Variants in GAB1 observed in about 807,000 individuals in gnomAD.
The protein encoded by GAB1 is GRB2 associated binding protein 1.
Under a neutral mutation model 66.5 loss-of-function variants are expected in GAB1, and 19 were observed. The observed-to-expected ratio is 0.29, with a 90% confidence interval of 0.20 to 0.42. GAB1 has a LOEUF of 0.42. Among genes scored for constraint, GAB1 ranks in the 10% least tolerant of loss-of-function variants. The pLI is 1.00. For synonymous variants in GAB1, 294 were observed against 301.4 expected (o/e 0.98, Z 0.25); for missense variants, 732 against 858.5 (o/e 0.85, Z 1.84).
At chr4:143,352,352 A>G (rs1320711045) in intron 1 of GAB1, among the ~76,000 whole-genome samples, 2 of 152,198 alleles carry the variant, frequency 1.3e-5, no homozygotes, top group Non-Finnish European at 2.9e-5. Context: ...CTGATGTCTC[A>G]TATTCAGCCC....
At chr4:143,373,881 ATATATT>A (rs1250307111) in intron 1 of GAB1, among the ~76,000 whole-genome samples, 8 of 135,288 alleles carry the variant, frequency 5.9e-5, no homozygotes, top group African/African-American at 9.0e-5. Context: ...ATATATATAT[ATATATT>A]TTTACCTTTC....
rs1736178247 is a variant in GAB1, at chr4:143,473,916, G to A, written c.*4727G>A. On this transcript the variant is annotated 3_prime_UTR_variant, in exon 10 of 10. Transcript: ENST00000262994. ...AGATTATTTTCTCATATGTCTGTCT[G>A]TCACCTTGTAAACCATGAGACTCCT... is the stretch of plus-strand genomic sequence containing the variant. 6.6e-6 allele frequency: 1 copy of A among 152,148 alleles called. No homozygotes were observed. The highest frequency in any genetic ancestry group is 1.5e-5 in the Non-Finnish European group (1 of 68,026). 9.4% of individuals were successfully genotyped at this position (152,148 alleles called of 1,614,324 possible). A position where few individuals can be genotyped will look rare whatever the true frequency, so the allele number is the denominator to read the frequency against.
chr4:143,359,470 C>T (rs1229187947), intron 1 of GAB1, among the ~76,000 whole-genome samples: 1 of 152,186 alleles, frequency 6.6e-6, no homozygotes, highest in Non-Finnish European at 1.5e-5. Flanking sequence ...AATGAGAGAA[C>T]ATTTCCATGT....
chr4:143,394,890 G>A (rs946211894), intron 1 of GAB1: 2 of 152,086 alleles, frequency 1.3e-5, no homozygotes, highest in Non-Finnish European at 2.9e-5. Flanking sequence ...GATGCCAGGG[G>A]ACTCAAGTAA....
Position 143,394,649 on chromosome 4 carries a change from G to T in GAB1, c.73-20828G>T, listed in dbSNP as rs533871001. On this transcript the variant is annotated intron_variant, in intron 1 of 9. Coordinates refer to ENST00000262994, the MANE Select transcript of GAB1 (RefSeq NM_002039.4). ...ATCATCATCATCAAACATTTTTTGG[G>T]TTCCTAAATATGTTTCTTCATGTTT... 8.5e-5 allele frequency among the ~76,000 whole-genome samples: 13 copies of T among 152,074 alleles called. No homozygotes were observed. In the South Asian group the frequency reaches 2.3e-3, roughly 27 times the overall value.
intron 2 of GAB1, among the ~76,000 whole-genome samples, chr4:143,426,780 A>G (rs1407327707): frequency 6.6e-6 from 1 of 152,224 alleles, no homozygotes; most frequent in Non-Finnish European, 1.5e-5. Flanking sequence ...AGAAGGTTGT[A>G]AAATGAGCTA....
intron 1 of GAB1, among the ~76,000 whole-genome samples, chr4:143,386,901 A>G (rs1730943731): frequency 1.3e-5 from 2 of 152,300 alleles, no homozygotes; most frequent in East Asian, 1.9e-4. Context: ...TGCAAAACCT[A>G]AAGTATTTAT....
At position 143,383,807 on chromosome 4, in the gene GAB1, GCTCACAC is replaced by G. The variant is rs543741569; in HGVS notation, c.73-31667_73-31661del. ...TATGCCAAATAGTCTTGGCACAATG[GCTCACAC>G]CTGTAATTCTGACACTTTTGGGGGC... On this transcript the variant is annotated intron_variant, in intron 1 of 9. Transcript: ENST00000262994. Among the ~76,000 whole-genome samples the G allele has an allele frequency of 3.9e-5, 6 of 152,270 alleles. No homozygotes were observed. In the South Asian group the frequency reaches 1.2e-3, roughly 32 times the overall value.
chr4:143,432,198 C>G (rs1260924902), intron 2 of GAB1, among the ~76,000 whole-genome samples: 1 of 152,206 alleles, frequency 6.6e-6, no homozygotes, highest in East Asian at 1.9e-4. Flanking sequence ...AAAAGGCCAA[C>G]ATTCCTGATC....
At chr4:143,415,275 C>G (rs917173384) in intron 1 of GAB1, among the ~76,000 whole-genome samples, 2 of 152,076 alleles carry the variant, frequency 1.3e-5, no homozygotes, top group Non-Finnish European at 2.9e-5. Flanking sequence ...TATATATATA[C>G]ATTATTAAGT....
At chr4:143,401,777 A>G (rs751273665) in intron 1 of GAB1, among the ~76,000 whole-genome samples, 3 of 152,226 alleles carry the variant, frequency 2.0e-5, no homozygotes, top group Non-Finnish European at 2.9e-5. Flanking sequence ...TATGATATGA[A>G]TAAAGATTAG....
intron 6 of GAB1, among the ~76,000 whole-genome samples, chr4:143,458,273 TAGAC>T (rs1735300047): frequency 6.6e-6 from 1 of 152,108 alleles, no homozygotes; most frequent in Non-Finnish European, 1.5e-5. Flanking sequence ...TTTAAGAATA[TAGAC>T]AAGCAAAATG....
At chr4:143,396,488 A>C (rs1397560276) in intron 1 of GAB1, among the ~76,000 whole-genome samples, 1 of 152,210 alleles carries the variant, frequency 6.6e-6, no homozygotes, top group African/African-American at 2.4e-5. Context: ...ACTGATTAAA[A>C]ATAGCAGCTC....
chr4:143,417,106 GAA>G (rs1383608965), intron 2 of GAB1, among the ~76,000 whole-genome samples: 3 of 152,174 alleles, frequency 2.0e-5, no homozygotes, highest in African/African-American at 7.2e-5. Context: ...GAAAGCTTCT[GAA>G]AGGAAAATAA....
At chr4:143,423,800 AT>A (rs1733165819) in intron 2 of GAB1, among the ~76,000 whole-genome samples, 1 of 33,324 alleles carries the variant, frequency 3.0e-5, no homozygotes, top group African/African-American at 2.9e-4. Flanking sequence ...GTGTATATAT[AT>A]ATATATATAT....
chr4:143,362,483 C>T (rs925096157), intron 1 of GAB1, among the ~76,000 whole-genome samples: 8 of 152,164 alleles, frequency 5.3e-5, no homozygotes, highest in African/African-American at 1.7e-4. Context: ...ATGCTTATTA[C>T]ATGCTAAACA....
At chr4:143,371,327 G>T (rs544127647) in intron 1 of GAB1, among the ~76,000 whole-genome samples, 18 of 152,118 alleles carry the variant, frequency 1.2e-4, no homozygotes, top group Admixed American at 6.5e-4. Context: ...TCATGTGTCT[G>T]TTGGCTGCAT....
chr4:143,380,836 G>T (rs1176151220), intron 1 of GAB1: 1 of 152,228 alleles, frequency 6.6e-6, no homozygotes, highest in Non-Finnish European at 1.5e-5. Flanking sequence ...ACAGTTCATG[G>T]TTCTCTGCAG....
At chr4:143,460,563 A>G in intron 8 of GAB1, 76 bp downstream of exon 8, 1 of 1,354,922 alleles carries the variant, frequency 7.4e-7, no homozygotes, top group South Asian at 1.4e-5. Flanking sequence ...CTGTCTATAA[A>G]TTTTATCCTC....
Sources: allele counts gnomAD v4.1 joint callset (sites outside exome capture counted in the v4.1 genomes callset), GRCh38; gene constraint gnomAD v4.1.1; transcripts MANE v1.5; gene names NCBI Gene and HGNC (gene_info 2026-07-23, HGNC 2026-07-21).